The following VTI1A variants were observed in gnomAD, a reference collection of about 807,000 sequenced individuals.
VTI1A encodes vesicle transport through interaction with t-SNAREs homolog 1A.
In VTI1A, 22 loss-of-function variants were observed where a neutral mutation model predicts 34.9. The ratio of observed to expected loss-of-function variants is 0.63; its 90% CI spans 0.45 to 0.90. The LOEUF is 0.90. Among genes scored for constraint, VTI1A ranks in the 40% least tolerant of loss-of-function variants. The pLI, the probability that VTI1A is intolerant of heterozygous loss-of-function variation, is 0.00. For missense variants in VTI1A, 268 were observed against 275.6 expected, an observed-to-expected ratio of 0.97 and a Z score of 0.20; for synonymous variants, 87 against 97.3, an observed-to-expected ratio of 0.89 and a Z score of 0.62.
chr10:112,636,696 T>G lies in VTI1A; in HGVS notation c.428-31522T>G, dbSNP rs1238866732. 4.3e-5 allele frequency among the ~76,000 whole-genome samples: 6 copies of G among 138,900 alleles called. No homozygotes were observed. In the East Asian group the frequency reaches 1.3e-3, roughly 30 times the overall value. The allele number at this position is 138,900 out of a possible 152,430, so 91.1% of individuals were successfully genotyped here. A position where few individuals can be genotyped will look rare whatever the true frequency, so the allele number is the denominator to read the frequency against. On this transcript the variant is annotated intron_variant, in intron 5 of 7. Coordinates refer to ENST00000393077, the MANE Select transcript of VTI1A (RefSeq NM_145206.4). ...GTGAGCTGAGATTGCACCACTGCAC[T>G]CCAGCCTGGGTGCCAGAGCAAGACT... is the stretch of plus-strand genomic sequence containing the variant.
rs961687624 is a variant in VTI1A at position 112,473,411 on chromosome 10, A to C, written c.264+8754A>C. On this transcript the variant is annotated intron_variant, in intron 3 of 7. Transcript: ENST00000393077. ...AGGTGTGAGCCACTGCGCCCGTCCCACATTTTTTTTTAAATAAAAGATTGT... is the reference window on the plus strand; with the variant it reads ...AGGTGTGAGCCACTGCGCCCGTCCCCCATTTTTTTTTAAATAAAAGATTGT... Among the ~76,000 whole-genome samples, 5 of 152,062 alleles carry C rather than the reference A, an allele frequency of 3.3e-5. No homozygotes were observed. The East Asian group carries it at 9.7e-4, about 29-fold the overall frequency.
chr10:112,749,095 G>C (rs982434953), intron 7 of VTI1A, among the ~76,000 whole-genome samples: 3 of 152,216 alleles, frequency 2.0e-5, no homozygotes, highest in African/African-American at 7.2e-5. Context: ...AACAGAACAA[G>C]TCTGACATGA....
intron 5 of VTI1A, among the ~76,000 whole-genome samples, chr10:112,541,204 C>T (rs898346795): frequency 6.6e-6 from 1 of 151,762 alleles, no homozygotes; most frequent in Non-Finnish European, 1.5e-5. Context: ...TCAAATTTTA[C>T]TTGACCACAA....
chr10:112,817,921 A>C lies in VTI1A; in HGVS notation c.*2538A>C, dbSNP rs1007609692. 1.7e-5 allele frequency: 4 copies of C among 233,174 alleles called. No homozygotes were observed. Among genetic ancestry groups the C allele is most frequent in the Non-Finnish European group, 2.5e-5 (3 of 117,744 alleles). 14.4% of individuals were successfully genotyped at this position (233,174 alleles called of 1,614,324 possible). ...AGCCCTTGCCATATAAAATTCATGCAGACTAAACAGTTTCCCTGACAGAAT... is the reference window on the plus strand; with the variant it reads ...AGCCCTTGCCATATAAAATTCATGCCGACTAAACAGTTTCCCTGACAGAAT... On this transcript the variant is annotated 3_prime_UTR_variant, in exon 8 of 8. Coordinates refer to ENST00000393077, the MANE Select transcript of VTI1A (RefSeq NM_145206.4).
At chr10:112,624,284 G>A (rs962587593) in intron 5 of VTI1A, among the ~76,000 whole-genome samples, 1 of 152,078 alleles carries the variant, frequency 6.6e-6, no homozygotes, top group Non-Finnish European at 1.5e-5. Flanking sequence ...AGTCTAGAAT[G>A]AAATGTGAAG....
chr10:112,553,005 G>A (rs1261631098), intron 5 of VTI1A, among the ~76,000 whole-genome samples: 3 of 152,150 alleles, frequency 2.0e-5, no homozygotes, highest in African/African-American at 7.2e-5. Context: ...AGGTTGTCTT[G>A]ATCTGAAAAA....
intron 5 of VTI1A, among the ~76,000 whole-genome samples, chr10:112,657,140 G>C (rs1359466878): frequency 1.3e-5 from 2 of 152,078 alleles, no homozygotes; most frequent in African/African-American, 4.8e-5. Context: ...CCCCTTTTCT[G>C]TCTCAGGGGT....
At chr10:112,695,290 G>A (rs1024229743) in intron 7 of VTI1A, among the ~76,000 whole-genome samples, 1 of 151,886 alleles carries the variant, frequency 6.6e-6, no homozygotes, top group Non-Finnish European at 1.5e-5. Flanking sequence ...AATTCTACTA[G>A]CATTAGTAAG....
chr10:112,673,731 A>G lies in VTI1A; in HGVS notation c.560+4733A>G, dbSNP rs370872657. ...ATCATTGCCACCTATCATTGCTATC[A>G]TATTTTACATTTTAAATGTAGTCTT... On this transcript the variant is annotated intron_variant, in intron 7 of 7. Transcript: ENST00000393077. 6.6e-5 allele frequency among the ~76,000 whole-genome samples: 10 copies of G among 152,338 alleles called. 2 individuals are homozygous for G. The South Asian group carries it at 1.5e-3, about 22-fold the overall frequency.
At chr10:112,769,068 C>G (rs1172467971) in intron 7 of VTI1A, among the ~76,000 whole-genome samples, 1 of 152,190 alleles carries the variant, frequency 6.6e-6, no homozygotes, top group East Asian at 1.9e-4. Context: ...GACAGTTACT[C>G]ATTTCTTGAA....
intron 3 of VTI1A, among the ~76,000 whole-genome samples, chr10:112,469,828 T>C (rs751739216): frequency 5.3e-5 from 8 of 152,174 alleles, no homozygotes; most frequent in Non-Finnish European, 1.2e-4. Context: ...ACTTTCTCGA[T>C]TTCTGGAGCT....
intron 5 of VTI1A, among the ~76,000 whole-genome samples, chr10:112,584,867 G>T (rs1454672200): frequency 1.3e-5 from 2 of 152,150 alleles, no homozygotes; most frequent in African/African-American, 2.4e-5. Context: ...ATAGTGAGGG[G>T]CAGGTACCAA....
the VTI1A span, chr10:112,831,664 G>T: frequency 6.6e-6 from 1 of 152,304 alleles, no homozygotes; most frequent in South Asian, 2.1e-4. Context: ...CAAGGATTTT[G>T]ATAGCCCAAG....
chr10:112,492,486 ACTT>A lies in VTI1A; in HGVS notation c.264+27833_264+27835del, dbSNP rs1343748814. On this transcript the variant is annotated intron_variant, in intron 3 of 7. Coordinates refer to ENST00000393077, the MANE Select transcript of VTI1A (RefSeq NM_145206.4). Reference sequence around the variant, plus strand: ...AAGCTATTTCTCCTATAGACCAGCTACTTCTTATAAAAAAACAAATTGGCCAGG... The same window carrying A: ...AAGCTATTTCTCCTATAGACCAGCTACTTATAAAAAAACAAATTGGCCAGG... Among the ~76,000 whole-genome samples the A allele has an allele frequency of 2.0e-5, 3 of 152,266 alleles. No homozygotes were observed. In the East Asian group the frequency reaches 5.8e-4, roughly 29 times the overall value.
At chr10:112,787,444 T>C (rs1852320945) in intron 7 of VTI1A, among the ~76,000 whole-genome samples, 3 of 152,272 alleles carry the variant, frequency 2.0e-5, no homozygotes, top group Non-Finnish European at 4.4e-5. Flanking sequence ...TTGGGCTTAA[T>C]TTGCTCTTTC....
At chr10:112,666,918 T>C (rs954737135) in intron 5 of VTI1A, among the ~76,000 whole-genome samples, 71 of 152,130 alleles carry the variant, frequency 4.7e-4, no homozygotes, top group African/African-American at 1.6e-3. Flanking sequence ...ATAGTACTAT[T>C]ATTATTATTG....
chr10:112,684,863 T>C (rs931691691), intron 7 of VTI1A, among the ~76,000 whole-genome samples: 4 of 152,190 alleles, frequency 2.6e-5, no homozygotes, highest in Non-Finnish European at 4.4e-5. Context: ...TTTTTCTATA[T>C]AGGAACTGCC....
At chr10:112,462,825 A>G (rs1435571299) in intron 2 of VTI1A, among the ~76,000 whole-genome samples, 1 of 152,222 alleles carries the variant, frequency 6.6e-6, no homozygotes, top group African/African-American at 2.4e-5. Flanking sequence ...TTAAAAGGTA[A>G]ACTACATGGC....
intron 5 of VTI1A, among the ~76,000 whole-genome samples, chr10:112,654,396 C>T (rs773519552): frequency 5.3e-5 from 8 of 152,258 alleles, no homozygotes; most frequent in Admixed American, 1.3e-4. Context: ...TCTTTTACCA[C>T]GCATACATCT....
Sources: allele counts gnomAD v4.1 joint callset (sites outside exome capture counted in the v4.1 genomes callset), GRCh38; gene constraint gnomAD v4.1.1; transcripts MANE v1.5; gene names NCBI Gene and HGNC (gene_info 2026-07-23, HGNC 2026-07-21).